The following LAMA1 variants were observed in gnomAD, a reference collection of about 807,000 sequenced individuals.
The protein encoded by LAMA1 is laminin subunit alpha 1.
LAMA1 carries 219 observed loss-of-function variants against 348.7 expected under a neutral mutation model. The observed-to-expected ratio is 0.63, with a 90% CI of 0.56 to 0.70. The LOEUF is 0.70. Ranked by LOEUF, LAMA1 falls within the 30% of genes least tolerant of loss-of-function variation. The probability of loss-of-function intolerance (pLI) is 0.00; values close to 1 mark genes in which losing one functional copy is unlikely to be tolerated. For synonymous variants in LAMA1, 1,487 were observed against 1,491.0 expected (o/e 1.00, Z 0.06); for missense variants, 3,744 against 3,888.0 (o/e 0.96, Z 0.99).
At chr18:6,991,226 A>G (rs1463990469) in intron 36 of LAMA1, among the ~76,000 whole-genome samples, 1 of 152,068 alleles carries the variant, frequency 6.6e-6, no homozygotes, top group Non-Finnish European at 1.5e-5. Flanking sequence ...CAACGTCAAA[A>G]ATTATGCTCT....
chr18:6,970,216 C>G (rs754603831), intron 48 of LAMA1, among the ~76,000 whole-genome samples: 3 of 152,118 alleles, frequency 2.0e-5, no homozygotes, highest in Non-Finnish European at 4.4e-5. Context: ...CATTACCTCA[C>G]GAGGCAACAG....
Position 7,011,335 on chromosome 18 carries a change from A to G in LAMA1, c.3652T>C (p.Tyr1218His). The G allele has an allele frequency of 6.2e-7, 1 of 1,612,558 alleles. No individual in the cohort carries two copies. Among genetic ancestry groups the G allele is most frequent in the Non-Finnish European group, 8.5e-7 (1 of 1,179,666 alleles). Reference protein sequence around the residue: ...VRQHIRAEPFYWRLPQQFQGD... With the variant: ...VRQHIRAEPFHWRLPQQFQGD... ...TGGAACTGCTGCGGCAGCCGCCAGT[A>G]AAACGGCTCTGCACGGATGTGCTGC... The change falls in exon 25 of 63, where the codon TAC becomes CAC. Residue 1218 changes from tyrosine (Y) to histidine (H), a missense_variant. Tyr to His is a moderately conservative substitution (Grantham distance 83). This residue lies in a region of LAMA1 where 1,529 missense variants were observed against 1,689.4 expected (regional missense o/e 0.91). Coordinates refer to ENST00000389658, the MANE Select transcript of LAMA1 (RefSeq NM_005559.4).
intron 48 of LAMA1, among the ~76,000 whole-genome samples, chr18:6,967,769 A>G (rs1017721467): frequency 6.6e-6 from 1 of 152,030 alleles, no homozygotes; most frequent in Non-Finnish European, 1.5e-5. Flanking sequence ...CTTGGTCCTC[A>G]GTGCATGGCC....
At chr18:7,062,484 A>T (rs2058106277) in intron 3 of LAMA1, among the ~76,000 whole-genome samples, 1 of 152,186 alleles carries the variant, frequency 6.6e-6, no homozygotes, top group African/African-American at 2.4e-5. Flanking sequence ...TAAAACGCTT[A>T]GACCATCCCA....
chr18:6,950,863 G>A lies in LAMA1; in HGVS notation c.8316C>T (p.Arg2772=), dbSNP rs1211000735. The change falls in exon 58 of 63, where the codon CGC becomes CGT. Residue 2772 remains arginine (R), a synonymous_variant. Coordinates refer to ENST00000389658, the MANE Select transcript of LAMA1 (RefSeq NM_005559.4). ...DYAVLQLHGG[R]LHFMFDLGKG... Reference sequence around the variant, plus strand: ...TGCCAAGGTCAAACATGAAGTGGAGGCGGCCCCCGTGCAGCTGGAGCACAG... The same window carrying A: ...TGCCAAGGTCAAACATGAAGTGGAGACGGCCCCCGTGCAGCTGGAGCACAG... 6.2e-7 allele frequency: 1 copy of A among 1,614,152 alleles called. No homozygotes were observed. Among genetic ancestry groups the A allele is most frequent in the African/African-American group, 1.3e-5 (1 of 75,036 alleles).
At chr18:6,982,634 T>TGGA (rs1568017717) in intron 40 of LAMA1, 44 bp from the exon 41 acceptor site, 1 of 1,500,014 alleles carries the variant, frequency 6.7e-7, no homozygotes, top group South Asian at 1.1e-5. Flanking sequence ...CAGGGCAGGG[T>TGGA]GGAGTCCTGC....
rs1204542594 is a variant in LAMA1, at chr18:7,013,915, A to G, written c.3263T>C (p.Val1088Ala). ...SLGYRDFPDC[V>A]PCDCDLRGTS... ...CCCCCTCAGGTCACAGTCACAGGGA[A>G]CACAGTCGGGAAAGTCTCTGTAACC... The change falls in exon 23 of 63, where the codon GTT becomes GCT. Residue 1088 changes from valine to alanine, a missense_variant. Val to Ala is a moderately conservative substitution (Grantham distance 64). Transcript: ENST00000389658. 1 of 1,613,778 alleles carries G rather than the reference A, an allele frequency of 6.2e-7. No individual in the cohort carries two copies. The highest frequency in any genetic ancestry group is 1.7e-5 in the Admixed American group (1 of 60,002).
chr18:7,035,958 T>A, intron 13 of LAMA1, 29 bp downstream of exon 13: 3 of 1,557,972 alleles, frequency 1.9e-6, no homozygotes, highest in Non-Finnish European at 2.7e-6. Context: ...CCCTAAGCTC[T>A]ATAGCAGAAT....
intron 21 of LAMA1, 97 bp from the exon 22 acceptor site, chr18:7,015,955 C>T: frequency 7.1e-7 from 1 of 1,407,994 alleles, no homozygotes; most frequent in Non-Finnish European, 9.9e-7. Flanking sequence ...GAGTCCAAGC[C>T]ACTCTTCTCA....
intron 4 of LAMA1, among the ~76,000 whole-genome samples, chr18:7,049,570 A>G (rs1049834589): frequency 1.3e-5 from 2 of 152,182 alleles, no homozygotes; most frequent in Non-Finnish European, 2.9e-5. Flanking sequence ...AAATGCTGGG[A>G]TTATAGGCAT....
intron 55 of LAMA1, 168 bp from the exon 56 acceptor site, chr18:6,956,933 C>T: frequency 1.4e-6 from 1 of 713,998 alleles, no homozygotes; most frequent in South Asian, 1.7e-5. Flanking sequence ...TCCAAACATG[C>T]TATCTTAATA....
chr18:6,948,531 A>T lies in LAMA1; in HGVS notation c.8582T>A (p.Ile2861Asn). 1 of 1,614,198 alleles carries T rather than the reference A, an allele frequency of 6.2e-7. No homozygotes were observed. Among genetic ancestry groups the T allele is most frequent in the Non-Finnish European group, 8.5e-7 (1 of 1,180,042 alleles). ...GNITHSIPAC[I>N]GDVTVNSKQL... ...TTTGCTGTTAACCGTCACATCCCCA[A>T]TGCAGGCAGGGATGCTGTGGGTGAT... Residue 2861 changes from isoleucine to asparagine, a missense_variant, in exon 60 of 63, where the codon ATT becomes AAT. Transcript: ENST00000389658.
intron 48 of LAMA1, among the ~76,000 whole-genome samples, chr18:6,968,969 G>A (rs2144023614): frequency 6.6e-6 from 1 of 152,286 alleles, no homozygotes; most frequent in African/African-American, 2.4e-5. Flanking sequence ...TAGAATTAGG[G>A]TATTAACTCT....
At position 6,955,442 on chromosome 18, in the gene LAMA1, A is replaced by T. The variant is rs1267129651; in HGVS notation, c.8118T>A (p.Ala2706=). 1.2e-5 allele frequency: 19 copies of T among 1,613,940 alleles called. No individual in the cohort carries two copies. The highest frequency in any genetic ancestry group is 1.5e-5 in the Non-Finnish European group (18 of 1,179,990). The part of the protein sequence containing the change: ...AFPEQCVVDA[A]LEYVPGAHQF... ...GGTGAGCGCCGGGAACGTACTCCAG[A>T]GCTGCATCCACCACACACTGTTCCT... The change falls in exon 57 of 63, where the codon GCT becomes GCA. Residue 2706 remains alanine, a synonymous_variant. Transcript: ENST00000389658.
chr18:7,048,962 A>G (rs2058052231), intron 5 of LAMA1, 116 bp downstream of exon 5: 5 of 1,022,490 alleles, frequency 4.9e-6, no homozygotes, highest in South Asian at 2.9e-5. Flanking sequence ...CTGGCAAGAA[A>G]AAAGGCCAAC....
At chr18:6,969,939 T>C (rs1473598802) in intron 48 of LAMA1, among the ~76,000 whole-genome samples, 1 of 152,160 alleles carries the variant, frequency 6.6e-6, no homozygotes, top group Non-Finnish European at 1.5e-5. Flanking sequence ...CTGATGAAAA[T>C]AGAGGATATG....
chr18:6,967,146 C>G (rs1000126833), intron 48 of LAMA1, among the ~76,000 whole-genome samples: 24 of 152,232 alleles, frequency 1.6e-4, no homozygotes, highest in Admixed American at 1.3e-3. Context: ...AAAATCGTTT[C>G]CATGGATGAT....
chr18:7,103,034 A>G (rs2058297403), intron 1 of LAMA1, among the ~76,000 whole-genome samples: 1 of 152,120 alleles, frequency 6.6e-6, no homozygotes, highest in Non-Finnish European at 1.5e-5. Flanking sequence ...CTGTAACCAT[A>G]TTTGGACTCC....
chr18:6,968,726 A>G lies in LAMA1; in HGVS notation c.6900-2429T>C, dbSNP rs532348528. Among the ~76,000 whole-genome samples, 22 of 152,372 alleles carry G rather than the reference A, an allele frequency of 1.4e-4. No homozygotes were observed. The East Asian group carries it at 4.1e-3, about 28-fold the overall frequency. On this transcript the variant is annotated intron_variant, in intron 48 of 62. Coordinates refer to ENST00000389658, the MANE Select transcript of LAMA1 (RefSeq NM_005559.4). ...CCTTTGAGAATATAACAGACTGCTC[A>G]TAATTACAGAGTGACCCCATGTACA... is the stretch of plus-strand genomic sequence containing the variant.
Sources: allele counts gnomAD v4.1 joint callset (sites outside exome capture counted in the v4.1 genomes callset), GRCh38; gene constraint gnomAD v4.1.1; regional missense constraint gnomAD v4.1.1; transcripts MANE v1.5; gene names NCBI Gene and HGNC (gene_info 2026-07-23, HGNC 2026-07-21).